Variants in SLC9A8 observed in about 807,000 individuals in gnomAD.
SLC9A8 encodes the protein solute carrier family 9 member A8.
Under a neutral mutation model 66.6 loss-of-function variants are expected in SLC9A8, and 48 were observed. The observed-to-expected ratio is 0.72, with a 90% CI of 0.57 to 0.92. The LOEUF (loss-of-function observed/expected upper bound fraction) is 0.92, where lower values mean the gene tolerates loss of function less well. Among genes scored for constraint, SLC9A8 ranks in the 40% least tolerant of loss-of-function variants. SLC9A8 has a pLI of 0.00. For missense variants in SLC9A8, 599 were observed against 747.3 expected, an observed-to-expected ratio of 0.80 and a Z score of 2.31; for synonymous variants, 274 against 282.6, an observed-to-expected ratio of 0.97 and a Z score of 0.31.
intron 3 of SLC9A8, chr20:49,829,691 C>A: frequency 2.1e-6 from 1 of 478,174 alleles, no homozygotes. Flanking sequence ...TGGATGCCGC[C>A]AAAGAGTTTC....
At chr20:49,852,923 G>T (rs2088311906) in intron 7 of SLC9A8, among the ~76,000 whole-genome samples, 1 of 152,006 alleles carries the variant, frequency 6.6e-6, no homozygotes, top group Non-Finnish European at 1.5e-5. Context: ...GCCTCAGGAG[G>T]TCCTGACGAC....
chr20:49,872,259 A>G (rs2089240741), intron 10 of SLC9A8, among the ~76,000 whole-genome samples: 1 of 152,186 alleles, frequency 6.6e-6, no homozygotes, highest in South Asian at 2.1e-4. Context: ...ATCTCCCTGT[A>G]GGGGAAACTG....
intron 8 of SLC9A8, among the ~76,000 whole-genome samples, chr20:49,861,640 T>C (rs988631403): frequency 6.6e-6 from 1 of 151,960 alleles, no homozygotes; most frequent in Non-Finnish European, 1.5e-5. Context: ...GTGAGACTTA[T>C]CCCTGGGAGT....
At chr20:49,884,195 A>C in intron 14 of SLC9A8, 129 bp downstream of exon 14, 1 of 559,900 alleles carries the variant, frequency 1.8e-6, no homozygotes, top group Admixed American at 2.5e-5. Context: ...ACCTCCACAC[A>C]CACGACACAC....
intron 3 of SLC9A8, among the ~76,000 whole-genome samples, chr20:49,833,179 C>T (rs1340480767): frequency 6.6e-6 from 1 of 152,228 alleles, no homozygotes; most frequent in African/African-American, 2.4e-5. Flanking sequence ...GCTGGGATTA[C>T]AGGTGTGAGC....
intron 8 of SLC9A8, among the ~76,000 whole-genome samples, 158 bp downstream of exon 8, chr20:49,855,739 C>T (rs1301120031): frequency 6.6e-6 from 1 of 152,162 alleles, no homozygotes; most frequent in African/African-American, 2.4e-5. Flanking sequence ...TCCTGACAAG[C>T]CTTGATGTGC....
chr20:49,883,893 G>A lies in SLC9A8; in HGVS notation c.1318G>A (p.Glu440Lys). Reference sequence around the variant, plus strand: ...TGCCCTGAGCCTACACCTGGACCTGGAGCCCATGGAGAAGCGGCAGCTCAT... The same window carrying A: ...TGCCCTGAGCCTACACCTGGACCTGAAGCCCATGGAGAAGCGGCAGCTCAT... ...PYALSLHLDL[E>K]PMEKRQLIGT... Residue 440 changes from glutamate to lysine, a missense_variant, in exon 14 of 16, where the codon GAG becomes AAG. Glu to Lys is a moderately conservative substitution (Grantham distance 56). This residue lies in a region of SLC9A8 where 467 missense variants were observed against 626.5 expected (regional missense o/e 0.75). Coordinates refer to ENST00000361573, the MANE Select transcript of SLC9A8 (RefSeq NM_015266.3). 1.2e-6 allele frequency: 2 copies of A among 1,610,122 alleles called. No homozygotes were observed. Among genetic ancestry groups the A allele is most frequent in the Non-Finnish European group, 1.7e-6 (2 of 1,179,982 alleles).
intron 10 of SLC9A8, among the ~76,000 whole-genome samples, chr20:49,867,177 AT>A (rs1215786888): frequency 2.0e-5 from 3 of 152,182 alleles, no homozygotes; most frequent in African/African-American, 7.2e-5. Context: ...GATGTCAGTC[AT>A]TGTGAAGTTT....
intron 3 of SLC9A8, chr20:49,830,581 C>T: frequency 1.6e-6 from 1 of 609,112 alleles, no homozygotes; most frequent in Non-Finnish European, 3.0e-6. Context: ...TTTCCAGAAG[C>T]TCCCATCTCA....
At chr20:49,861,099 G>A (rs965998902) in intron 8 of SLC9A8, among the ~76,000 whole-genome samples, 2 of 152,226 alleles carry the variant, frequency 1.3e-5, no homozygotes, top group African/African-American at 2.4e-5. Context: ...TGACCACCTG[G>A]GAGGTGCCAG....
At position 49,884,023 on chromosome 20, in the gene SLC9A8, G is replaced by A. The variant is rs145892627; in HGVS notation, c.1448G>A (p.Arg483His). 7.3e-4 allele frequency: 1,174 copies of A among 1,613,596 alleles called. 8 individuals carry two copies. The South Asian group carries it at 7.4e-3, about 10-fold the overall frequency. The part of the protein sequence containing the change: ...LMDIEDAKAH[R>H]RNKKDVNLSK... ...GACATCGAGGACGCCAAGGCACACC[G>A]CAGGAACAAGAAGGACGTCAACCTC... The change falls in exon 14 of 16, where the codon CGC (arginine) becomes CAC (histidine). Residue 483 changes from arginine (R) to histidine (H), a missense_variant. Transcript: ENST00000361573.
chr20:49,827,327 G>A (rs958807117), intron 3 of SLC9A8, among the ~76,000 whole-genome samples: 2 of 151,506 alleles, frequency 1.3e-5, no homozygotes, highest in African/African-American at 4.8e-5. Context: ...ATGAGGCTGG[G>A]TGCAGTGGCT....
intron 8 of SLC9A8, among the ~76,000 whole-genome samples, chr20:49,860,007 TCA>T (rs1276113059): frequency 6.6e-6 from 1 of 152,180 alleles, no homozygotes; most frequent in African/African-American, 2.4e-5. Context: ...ACCCAGTGAC[TCA>T]CTCTCTTTGG....
At chr20:49,861,212 G>A (rs1433727308) in intron 8 of SLC9A8, among the ~76,000 whole-genome samples, 4 of 152,134 alleles carry the variant, frequency 2.6e-5, no homozygotes, top group Non-Finnish European at 4.4e-5. Context: ...TCCTGATAAC[G>A]TCGGGAAACT....
chr20:49,872,159 A>G (rs1473181798), intron 10 of SLC9A8, among the ~76,000 whole-genome samples: 1 of 152,170 alleles, frequency 6.6e-6, no homozygotes, highest in Non-Finnish European at 1.5e-5. Flanking sequence ...AGCTTCAAAG[A>G]GCCCTAAAGG....
chr20:49,812,963 TC>T lies in SLC9A8; in HGVS notation c.26+18del, dbSNP rs778942690. ...GCGGAAGAGGAGTGAGTGGGCTTTT[TC>T]CCGGGCGGCGGAGGCGGCGGGGCTG... On this transcript the variant is annotated intron_variant, in intron 1 of 15. Transcript: ENST00000361573. 3.5e-5 allele frequency: 49 copies of T among 1,399,974 alleles called. 1 individual carries two copies. In the African/African-American group the frequency reaches 6.7e-4, roughly 19 times the overall value. The allele number at this position is 1,399,974 out of a possible 1,614,324, so 86.7% of individuals were successfully genotyped here.
At chr20:49,859,203 G>A (rs1023069847) in intron 8 of SLC9A8, among the ~76,000 whole-genome samples, 25 of 152,190 alleles carry the variant, frequency 1.6e-4, no homozygotes, top group Non-Finnish European at 1.0e-4. Context: ...CTCCAGCCAC[G>A]GCTGGTCATC....
intron 3 of SLC9A8, among the ~76,000 whole-genome samples, chr20:49,834,212 T>TACACAC (rs1457307255): frequency 2.8e-4 from 33 of 119,468 alleles, no homozygotes; most frequent in African/African-American, 1.1e-3. Context: ...TATATATATA[T>TACACAC]ATACACACAC....
chr20:49,868,361 C>A (rs2089061012), intron 10 of SLC9A8, among the ~76,000 whole-genome samples: 1 of 152,202 alleles, frequency 6.6e-6, no homozygotes, highest in Non-Finnish European at 1.5e-5. Flanking sequence ...CCGCACTTTG[C>A]CTTTTGGGTA....
Sources: gnomAD v4.1 joint callset for allele counts (sites outside exome capture counted in the v4.1 genomes callset) on GRCh38, gnomAD v4.1.1 for gene constraint, gnomAD v4.1.1 regional missense constraint, MANE v1.5 for transcripts, NCBI Gene and HGNC (gene_info 2026-07-23, HGNC 2026-07-21) for gene names.